HSPH1: variants seen among roughly 807,000 people sequenced by gnomAD.
HSPH1 encodes the protein heat shock protein 105 kDa.
A neutral mutation model predicts 100.0 loss-of-function variants in HSPH1; 40 were observed. The ratio of observed to expected loss-of-function variants is 0.40; its 90% CI spans 0.31 to 0.52. The LOEUF (loss-of-function observed/expected upper bound fraction) is 0.52. Ranked by LOEUF, HSPH1 falls within the 20% of genes least tolerant of loss-of-function variation. The pLI is 0.54. For synonymous variants in HSPH1, 403 were observed against 344.0 expected (o/e 1.17, Z -1.90); for missense variants, 876 against 1,015.1 (o/e 0.86, Z 1.86).
Position 31,155,540 on chromosome 13 carries a change from A to G in HSPH1, c.280T>C (p.Leu94=). ...TTTATTCCAACTCCACCATTTTTCA[A>G]TGGAACCAAATCGTAACTCAAGTTT... ...KENLSYDLVP[L]KNGGVGIKVM... The change falls in exon 3 of 18, where the codon TTG becomes CTG. Residue 94 remains leucine, a synonymous_variant. Coordinates refer to ENST00000320027, the MANE Select transcript of HSPH1 (RefSeq NM_006644.4). The G allele has an allele frequency of 1.2e-6, 2 of 1,610,798 alleles. No individual in the cohort carries two copies. The highest frequency in any genetic ancestry group is 1.3e-5 in the African/African-American group (1 of 74,944).
chr13:31,139,962 A>G (rs1403757024), intron 14 of HSPH1, among the ~76,000 whole-genome samples: 1 of 152,060 alleles, frequency 6.6e-6, no homozygotes. Flanking sequence ...TAAATATTTG[A>G]TAGGTTCTCT....
At chr13:31,148,816 A>C (rs1315433124) in intron 8 of HSPH1, among the ~76,000 whole-genome samples, 1 of 152,106 alleles carries the variant, frequency 6.6e-6, no homozygotes, top group Non-Finnish European at 1.5e-5. Context: ...GAATATGTAT[A>C]ATACATACAT....
At chr13:31,149,722 T>C (rs182633653) in intron 8 of HSPH1, among the ~76,000 whole-genome samples, 252 of 152,320 alleles carry the variant, frequency 1.7e-3, no homozygotes, top group African/African-American at 5.6e-3. Context: ...CTCAGAATCA[T>C]GCCTGTTTTT....
rs1245186049 is a variant in HSPH1, at chr13:31,152,967, A to C, written c.430-16T>G. On this transcript the variant is annotated splice_polypyrimidine_tract_variant and intron_variant, in intron 4 of 17. Transcript: ENST00000320027. ...AGGAGGGGACCTACAAACAAACAAA[A>C]AATTTTGAATTATCTAGAACACAAA... is the stretch of plus-strand genomic sequence containing the variant. 4.5e-6 allele frequency: 7 copies of C among 1,557,198 alleles called. No homozygotes were observed. The highest frequency in any genetic ancestry group is 5.3e-6 in the Non-Finnish European group (6 of 1,129,944).
chr13:31,141,801 T>TAC (rs58627057), intron 12 of HSPH1, among the ~76,000 whole-genome samples: 6,689 of 91,600 alleles, frequency 0.073, 450 homozygotes, highest in East Asian at 0.34. Context: ...TACACATACA[T>TAC]ACACACACAC....
intron 17 of HSPH1, 40 bp from the exon 18 acceptor site, chr13:31,137,564 C>G (rs752664138): frequency 6.8e-7 from 1 of 1,466,652 alleles, no homozygotes; most frequent in Non-Finnish European, 9.4e-7. Flanking sequence ...TAACTCAGAT[C>G]CATCCAGTTC....
At position 31,141,255 on chromosome 13, in the gene HSPH1, T is replaced by C. The variant is rs777219605; in HGVS notation, c.1721A>G (p.Asn574Ser). 6.2e-6 allele frequency: 10 copies of C among 1,602,160 alleles called. No homozygotes were observed. In the Admixed American group the frequency reaches 6.9e-5, roughly 11 times the overall value. Residue 574 changes from asparagine (N) to serine (S), a missense_variant, in exon 13 of 18, where the codon AAT becomes AGT. Transcript: ENST00000320027. Reference sequence around the variant, plus strand: ...TGGAGGCTGGTCAACTTTTTTTTCATTTGCCTTGGGAAGAGGAATAAAAAA... The same window carrying C: ...TGGAGGCTGGTCAACTTTTTTTTCACTTGCCTTGGGAAGAGGAATAAAAAA... ...ENKIPDADKA[N>S]EKKVDQPPEA...
Position 31,155,669 on chromosome 13 carries a change from T to C in HSPH1, c.166-15A>G, listed in dbSNP as rs1458520271. 4 of 1,569,366 alleles carry C rather than the reference T, an allele frequency of 2.5e-6. No homozygotes were observed. The highest frequency in any genetic ancestry group is 2.6e-6 in the Non-Finnish European group (3 of 1,160,900). ...TGAGTGATTTGCTGCAAAAAGAAGTTTGAGATTTTAATTTTTTTCTTTAAT... is the reference window on the plus strand; with the variant it reads ...TGAGTGATTTGCTGCAAAAAGAAGTCTGAGATTTTAATTTTTTTCTTTAAT... On this transcript the variant is annotated splice_polypyrimidine_tract_variant and intron_variant, in intron 2 of 17. Transcript: ENST00000320027.
At position 31,150,883 on chromosome 13, in the gene HSPH1, T is replaced by C; in HGVS notation, c.908+64A>G. ...CAAGACTCACAACACCCACTAGAAC[T>C]GACACCTGGGCTACAGTTTCAAAAG... On this transcript the variant is annotated intron_variant, in intron 7 of 17. Coordinates refer to ENST00000320027, the MANE Select transcript of HSPH1 (RefSeq NM_006644.4). The C allele has an allele frequency of 3.3e-6, 5 of 1,506,162 alleles. No homozygotes were observed. The South Asian group carries it at 6.5e-5, about 20-fold the overall frequency. The allele number at this position is 1,506,162 out of a possible 1,614,324, so 93.3% of individuals were successfully genotyped here.
intron 2 of HSPH1, among the ~76,000 whole-genome samples, chr13:31,156,081 A>C (rs966681806): frequency 3.3e-5 from 5 of 152,240 alleles, no homozygotes; most frequent in African/African-American, 1.2e-4. Flanking sequence ...TAGCCAAATT[A>C]TAATTTTGTT....
chr13:31,141,481 T>C (rs1413003616), intron 12 of HSPH1, among the ~76,000 whole-genome samples: 1 of 151,970 alleles, frequency 6.6e-6, no homozygotes, highest in East Asian at 1.9e-4. Flanking sequence ...GATATTTTTC[T>C]CTTCTATATT....
intron 17 of HSPH1, 36 bp downstream of exon 17, chr13:31,138,371 T>C: frequency 5.6e-6 from 9 of 1,599,688 alleles, no homozygotes; most frequent in South Asian, 2.2e-5. Flanking sequence ...AGTCCGTAAG[T>C]GAACCCAGCA....
intron 13 of HSPH1, 47 bp from the exon 14 acceptor site, chr13:31,140,356 A>G: frequency 1.3e-6 from 2 of 1,573,578 alleles, no homozygotes; most frequent in Admixed American, 3.5e-5. Flanking sequence ...AGTTAACTCA[A>G]GCTAAATTCT....
intron 2 of HSPH1, among the ~76,000 whole-genome samples, chr13:31,158,470 AC>A (rs1956778830): frequency 6.8e-6 from 1 of 147,236 alleles, no homozygotes; most frequent in African/African-American, 2.5e-5. Flanking sequence ...AATCGCTTTA[AC>A]CCGGGAGGCG....
intron 12 of HSPH1, among the ~76,000 whole-genome samples, chr13:31,143,542 C>A (rs1956170426): frequency 6.6e-6 from 1 of 152,138 alleles, no homozygotes; most frequent in African/African-American, 2.4e-5. Context: ...ACATTAGTCT[C>A]TTGTTACTTC....
chr13:31,154,737 C>A lies in HSPH1; in HGVS notation c.325G>T (p.Glu109Ter). The change falls in exon 4 of 18, where the codon GAA (glutamate) becomes TAA (stop). Residue 109 changes from glutamate (E) to a stop codon, truncating the protein, a stop_gained. Transcript: ENST00000320027. LOFTEE classifies it high-confidence loss of function. ...ATCTGCTCCACACTAAATAGATGTT[C>A]TTCACCCATGTACATTACCTATATT... is the stretch of plus-strand genomic sequence containing the variant. ...VGIKVMYMGEEHLFSVEQITA... is the reference protein window; with the variant it reads ...VGIKVMYMGE The A allele has an allele frequency of 6.2e-7, 1 of 1,613,626 alleles. No homozygotes were observed. Among genetic ancestry groups the A allele is most frequent in the South Asian group, 1.1e-5 (1 of 91,064 alleles).
In HSPH1 at chr13:31,161,766, C is replaced by T; in HGVS notation, c.-184G>A. On this transcript the variant is annotated 5_prime_UTR_variant, in exon 1 of 18. Coordinates refer to ENST00000320027, the MANE Select transcript of HSPH1 (RefSeq NM_006644.4). The stretch of plus-strand genomic sequence containing the variant: ...GGCCTGTCAGGAGCCTCCTACTCCC[C>T]CGGGGACAGCGGCGGCTGGCTGATA... The T allele has an allele frequency of 6.6e-7, 1 of 1,513,084 alleles. No individual in the cohort carries two copies. Among genetic ancestry groups the T allele is most frequent in the African/African-American group, 1.4e-5 (1 of 72,332 alleles). The allele number at this position is 1,513,084 out of a possible 1,614,324, so 93.7% of individuals were successfully genotyped here.
At chr13:31,147,712 A>G (rs1956318583) in intron 10 of HSPH1, among the ~76,000 whole-genome samples, 2 of 152,074 alleles carry the variant, frequency 1.3e-5, no homozygotes, top group South Asian at 4.1e-4. Flanking sequence ...ACACACACAC[A>G]TACTTTTAAG....
rs578114178 is a variant in HSPH1 at position 31,141,900 on chromosome 13, T to C, written c.1717-641A>G. On this transcript the variant is annotated intron_variant, in intron 12 of 17. Coordinates refer to ENST00000320027, the MANE Select transcript of HSPH1 (RefSeq NM_006644.4). Reference sequence around the variant, plus strand: ...TTTGCAAGGTAAAAAGAGATGAGTCTTAAAGTAGCAAATGGACTGATGTGA... The same window carrying C: ...TTTGCAAGGTAAAAAGAGATGAGTCCTAAAGTAGCAAATGGACTGATGTGA... 3.9e-5 allele frequency among the ~76,000 whole-genome samples: 6 copies of C among 152,156 alleles called. No homozygotes were observed. The East Asian group carries it at 1.2e-3, about 29-fold the overall frequency.
Sources: gnomAD v4.1 joint callset for allele counts (sites outside exome capture counted in the v4.1 genomes callset) on GRCh38, gnomAD v4.1.1 for gene constraint, MANE v1.5 for transcripts, NCBI Gene and HGNC (gene_info 2026-07-23, HGNC 2026-07-21) for gene names.